The following CEP70 variants were observed in gnomAD, a reference collection of about 807,000 sequenced individuals.
The protein encoded by CEP70 is centrosomal protein 70.
CEP70 carries 70 observed loss-of-function variants against 90.9 expected under a neutral mutation model. The observed-to-expected ratio is 0.77, with a 90% confidence interval of 0.64 to 0.94. The LOEUF (loss-of-function observed/expected upper bound fraction) is 0.94. Among genes scored for constraint, CEP70 ranks in the 40% least tolerant of loss-of-function variants. The pLI is 0.00. For synonymous variants in CEP70, 220 were observed against 228.3 expected, an observed-to-expected ratio of 0.96 and a Z score of 0.33; for missense variants, 648 against 669.0, an observed-to-expected ratio of 0.97 and a Z score of 0.35.
At chr3:138,567,187 T>C (rs1463179996) in intron 6 of CEP70, among the ~76,000 whole-genome samples, 2 of 152,198 alleles carry the variant, frequency 1.3e-5, no homozygotes, top group East Asian at 1.9e-4. Flanking sequence ...CCTCAAACAT[T>C]TGCAAATTTC....
intron 17 of CEP70, 52 bp downstream of exon 17, chr3:138,497,979 T>G (rs143317911): frequency 1.2e-6 from 2 of 1,606,176 alleles, no homozygotes; most frequent in African/African-American, 1.3e-5. Context: ...TTTTCTTAAA[T>G]GCACTGACAT....
At chr3:138,567,722 G>A (rs1447785038) in intron 6 of CEP70, among the ~76,000 whole-genome samples, 7 of 152,078 alleles carry the variant, frequency 4.6e-5, no homozygotes, top group Admixed American at 2.0e-4. Flanking sequence ...AATTTATTGG[G>A]GGTGGCTGTT....
intron 7 of CEP70, among the ~76,000 whole-genome samples, chr3:138,536,547 G>T (rs1411005446): frequency 1.3e-5 from 2 of 151,984 alleles, no homozygotes; most frequent in African/African-American, 4.8e-5. Context: ...AAAGAAAGCT[G>T]CCCAGAAATT....
chr3:138,544,849 C>G (rs937722045), intron 6 of CEP70, among the ~76,000 whole-genome samples: 5 of 151,666 alleles, frequency 3.3e-5, no homozygotes, highest in African/African-American at 9.7e-5. Flanking sequence ...AATGTGGAAA[C>G]CAAAAAAGCA....
At chr3:138,583,278 T>C (rs917779950) in intron 2 of CEP70, among the ~76,000 whole-genome samples, 1 of 152,164 alleles carries the variant, frequency 6.6e-6, no homozygotes, top group Non-Finnish European at 1.5e-5. Context: ...TTGTAAATAT[T>C]ATACACCCAA....
chr3:138,540,228 C>T (rs192274549), intron 6 of CEP70, among the ~76,000 whole-genome samples: 37 of 152,050 alleles, frequency 2.4e-4, no homozygotes, highest in Admixed American at 2.2e-3. Flanking sequence ...GGCGCGGTGG[C>T]TCATGCCTGT....
chr3:138,537,160 T>G lies in CEP70; in HGVS notation c.635+18A>C, dbSNP rs2038346895. The G allele has an allele frequency of 6.8e-7, 1 of 1,476,150 alleles. No individual in the cohort carries two copies. Among genetic ancestry groups the G allele is most frequent in the African/African-American group, 1.4e-5 (1 of 69,160 alleles). 91.4% of individuals were successfully genotyped at this position (1,476,150 alleles called of 1,614,324 possible). ...AACAATGAATCTAGCTACATATCAA[T>G]TTATGTAGCAAAATTACTGTCTATC... is the stretch of plus-strand genomic sequence containing the variant. On this transcript the variant is annotated intron_variant, in intron 7 of 17. Coordinates refer to ENST00000264982, the MANE Select transcript of CEP70 (RefSeq NM_024491.4).
rs1232900539 is a variant in CEP70 at position 138,500,814 on chromosome 3, T to C, written c.1289A>G (p.Asp430Gly). Reference sequence around the variant, plus strand: ...TTCAACTTTGATACCTTCATTTTCATCCTGCTTCTTCAAATTAAGCCAAGG... The same window carrying C: ...TTCAACTTTGATACCTTCATTTTCACCCTGCTTCTTCAAATTAAGCCAAGG... ...LVPWLNLKKQDENEGIKVEDL... is the reference protein window; with the variant it reads ...LVPWLNLKKQGENEGIKVEDL... Residue 430 changes from aspartate (D) to glycine (G), a missense_variant, in exon 14 of 18, where the codon GAT (aspartate) becomes GGT (glycine). Physicochemically the swap from Asp to Gly is moderately conservative, Grantham distance 94. Coordinates refer to ENST00000264982, the MANE Select transcript of CEP70 (RefSeq NM_024491.4). 6.2e-7 allele frequency: 1 copy of C among 1,606,090 alleles called. No homozygotes were observed. The highest frequency in any genetic ancestry group is 2.2e-5 in the East Asian group (1 of 44,590).
intron 1 of CEP70, chr3:138,592,915 C>T (rs1453771638): frequency 6.6e-6 from 1 of 152,146 alleles, no homozygotes; most frequent in East Asian, 1.9e-4. Context: ...TTATTAAATG[C>T]AAAAGCTCTA....
intron 2 of CEP70, among the ~76,000 whole-genome samples, chr3:138,580,072 A>G (rs2041771003): frequency 6.6e-6 from 1 of 152,084 alleles, no homozygotes; most frequent in Admixed American, 6.5e-5. Context: ...GTACCCTGGC[A>G]GTACTCCCCA....
chr3:138,577,419 C>T (rs948279146), intron 2 of CEP70, among the ~76,000 whole-genome samples: 8 of 151,976 alleles, frequency 5.3e-5, no homozygotes, highest in Non-Finnish European at 1.0e-4. Flanking sequence ...GAGGCCAAGG[C>T]GGGCAGATCA....
At position 138,497,877 on chromosome 3, in the gene CEP70, ACT is replaced by A. The variant is rs1576497252; in HGVS notation, c.1732+152_1732+153del. On this transcript the variant is annotated intron_variant, in intron 17 of 17. Coordinates refer to ENST00000264982, the MANE Select transcript of CEP70 (RefSeq NM_024491.4). ...CTGTTCTATGGACTAATCCAAACAA[ACT>A]CTAACTGCTTGTAAGGAATGTGTTT... The A allele has an allele frequency of 3.0e-6, 3 of 985,242 alleles. No homozygotes were observed. The East Asian group carries it at 3.4e-4, about 112-fold the overall frequency. 61.0% of individuals were successfully genotyped at this position (985,242 alleles called of 1,614,324 possible). A position where few individuals can be genotyped will look rare whatever the true frequency, so the allele number is the denominator to read the frequency against.
chr3:138,547,618 G>C (rs753719787), intron 6 of CEP70, among the ~76,000 whole-genome samples: 5 of 151,980 alleles, frequency 3.3e-5, no homozygotes, highest in Non-Finnish European at 7.4e-5. Context: ...GCTTCTCTTT[G>C]GCATATCCAA....
intron 7 of CEP70, among the ~76,000 whole-genome samples, chr3:138,534,615 G>C (rs190945502): frequency 1.3e-5 from 2 of 152,150 alleles, no homozygotes; most frequent in African/African-American, 2.4e-5. Flanking sequence ...CAACACTGCC[G>C]ATCACCCTCT....
At chr3:138,516,115 G>A (rs953579002) in intron 11 of CEP70, among the ~76,000 whole-genome samples, 18 of 152,142 alleles carry the variant, frequency 1.2e-4, no homozygotes, top group Middle Eastern at 6.8e-3. Flanking sequence ...ACGATTGTAC[G>A]TTTAGTACTT....
chr3:138,592,147 T>TTCTTATCTTTCCTCTCCC (rs2042415689), intron 1 of CEP70, among the ~76,000 whole-genome samples, 191 bp from the exon 2 acceptor site: 1 of 152,192 alleles, frequency 6.6e-6, no homozygotes. Context: ...TTCTCTCTCC[T>TTCTTATCTTTCCTCTCCC]TCTTATCTTT....
rs572312212 is a variant in CEP70, at chr3:138,531,391, CA to C, written c.692+1122del. The C allele has an allele frequency of 1.2e-4, 19 of 152,274 alleles. No homozygotes were observed. In the East Asian group the frequency reaches 3.5e-3, roughly 28 times the overall value. The allele number at this position is 152,274 out of a possible 1,614,324, so 9.4% of individuals were successfully genotyped here. A position where few individuals can be genotyped will look rare whatever the true frequency, so the allele number is the denominator to read the frequency against. On this transcript the variant is annotated intron_variant, in intron 8 of 17. Coordinates refer to ENST00000264982, the MANE Select transcript of CEP70 (RefSeq NM_024491.4). ...CAAATCCCCTCTTCATCATCTAGAT[CA>C]GGGGTCAGCAAACTGCTGTCTGCAG...
chr3:138,511,429 T>C (rs188878696), intron 11 of CEP70, among the ~76,000 whole-genome samples: 14 of 152,384 alleles, frequency 9.2e-5, no homozygotes, highest in Admixed American at 2.0e-4. Flanking sequence ...ATATGGCCTC[T>C]AGAAGGACTA....
At chr3:138,569,653 A>G (rs886440113) in intron 6 of CEP70, among the ~76,000 whole-genome samples, 1 of 152,182 alleles carries the variant, frequency 6.6e-6, no homozygotes, top group Non-Finnish European at 1.5e-5. Flanking sequence ...GGATCACTTG[A>G]GCTCAGGAGT....
Sources: gnomAD v4.1 joint callset for allele counts (sites outside exome capture counted in the v4.1 genomes callset) on GRCh38, gnomAD v4.1.1 for gene constraint, MANE v1.5 for transcripts, NCBI Gene and HGNC (gene_info 2026-07-23, HGNC 2026-07-21) for gene names.